PTPRN2: variants seen among roughly 807,000 people sequenced by gnomAD.
PTPRN2 encodes receptor-type tyrosine-protein phosphatase N2.
In PTPRN2, 74 loss-of-function variants were observed where a neutral mutation model predicts 118.8. That is an observed-to-expected ratio of 0.62 (90% CI 0.52 to 0.76). The LOEUF is 0.76. Among genes scored for constraint, PTPRN2 ranks in the 30% least tolerant of loss-of-function variants. The probability of loss-of-function intolerance (pLI) is 0.00; values close to 1 mark genes in which losing one functional copy is unlikely to be tolerated. For missense variants in PTPRN2, 1,481 were observed against 1,394.4 expected, an observed-to-expected ratio of 1.06 and a Z score of -0.99; for synonymous variants, 641 against 608.0, an observed-to-expected ratio of 1.05 and a Z score of -0.80.
intron 10 of PTPRN2, among the ~76,000 whole-genome samples, chr7:158,101,177 A>G (rs2150346849): frequency 6.6e-6 from 1 of 152,372 alleles, no homozygotes; most frequent in African/African-American, 2.4e-5. Flanking sequence ...AAATAGGCAC[A>G]CAGACCAATG....
chr7:158,028,850 G>A (rs1807471304), intron 11 of PTPRN2: 2 of 152,462 alleles, frequency 1.3e-5, no homozygotes, highest in Non-Finnish European at 2.9e-5. Context: ...CGTGGGGAGA[G>A]TCCAGCGTGC....
intron 12 of PTPRN2, among the ~76,000 whole-genome samples, chr7:157,696,343 CCATCTACTCAT>C (rs1797774899): frequency 1.0e-4 from 13 of 125,554 alleles, no homozygotes; most frequent in Admixed American, 3.1e-4. Flanking sequence ...AGAGCCCTCA[CCATCTACTCAT>C]GCATACTGGA....
intron 2 of PTPRN2, among the ~76,000 whole-genome samples, chr7:158,465,016 G>C (rs555966906): frequency 5.3e-5 from 8 of 152,228 alleles, no homozygotes; most frequent in Non-Finnish European, 1.2e-4. Flanking sequence ...GGATAACACA[G>C]CTAGTTACAG....
At chr7:158,332,044 C>A (rs574976532) in intron 2 of PTPRN2, among the ~76,000 whole-genome samples, 1,682 of 150,744 alleles carry the variant, frequency 0.011, 144 homozygotes, top group African/African-American at 0.04. Context: ...CACACTCTAA[C>A]GATAAGAGGT....
chr7:158,054,542 G>A (rs535379101), intron 11 of PTPRN2, among the ~76,000 whole-genome samples: 11 of 152,340 alleles, frequency 7.2e-5, no homozygotes, highest in South Asian at 4.1e-4. Flanking sequence ...TTCATGCAAC[G>A]AACACGTCAG....
chr7:157,890,141 C>T (rs1796717494), intron 12 of PTPRN2, among the ~76,000 whole-genome samples: 1 of 151,414 alleles, frequency 6.6e-6, no homozygotes, highest in South Asian at 2.1e-4. Context: ...TCTTAGGATA[C>T]ATTTCTCGGA....
At chr7:158,510,210 A>G (rs1244798161) in intron 1 of PTPRN2, among the ~76,000 whole-genome samples, 2 of 152,210 alleles carry the variant, frequency 1.3e-5, no homozygotes, top group Non-Finnish European at 2.9e-5. Context: ...TATTTAACAT[A>G]GTTTCAATGT....
chr7:157,584,263 G>C (rs1432665071), intron 17 of PTPRN2, among the ~76,000 whole-genome samples: 1 of 152,142 alleles, frequency 6.6e-6, no homozygotes, highest in African/African-American at 2.4e-5. Flanking sequence ...GTCCCTTCCT[G>C]CCTGTGTTAG....
At chr7:158,262,362 A>G (rs1342228613) in intron 3 of PTPRN2, among the ~76,000 whole-genome samples, 1 of 113,538 alleles carries the variant, frequency 8.8e-6, no homozygotes, top group East Asian at 2.5e-4. Flanking sequence ...CACTGCAAAC[A>G]TTCACTGCAC....
At chr7:158,530,252 C>T (rs1476248093) in intron 1 of PTPRN2, among the ~76,000 whole-genome samples, 1 of 152,304 alleles carries the variant, frequency 6.6e-6, no homozygotes, top group East Asian at 1.9e-4. Context: ...AAAGCAAGGT[C>T]TTTACAGTAA....
At chr7:158,222,868 A>AG (rs1200744213) in intron 3 of PTPRN2, among the ~76,000 whole-genome samples, 1 of 152,044 alleles carries the variant, frequency 6.6e-6, no homozygotes, top group East Asian at 1.9e-4. Flanking sequence ...TGAGAAAAAA[A>AG]TAGAGAAGAT....
At chr7:157,841,592 G>T (rs1808424058) in intron 12 of PTPRN2, among the ~76,000 whole-genome samples, 1 of 152,222 alleles carries the variant, frequency 6.6e-6, no homozygotes, top group Non-Finnish European at 1.5e-5. Context: ...ACCCGAGGCT[G>T]CTGGGGTGCC....
intron 12 of PTPRN2, among the ~76,000 whole-genome samples, chr7:157,837,517 G>A (rs2151174234): frequency 6.6e-6 from 1 of 151,152 alleles, no homozygotes; most frequent in East Asian, 2.0e-4. Context: ...GAGGAGCCAG[G>A]GCCATGTACC....
At chr7:158,331,210 C>A (rs1470326751) in intron 2 of PTPRN2, among the ~76,000 whole-genome samples, 45 of 148,170 alleles carry the variant, frequency 3.0e-4, no homozygotes, top group Non-Finnish European at 4.3e-4. Context: ...CACACCCACA[C>A]TCTCACCATA....
chr7:158,381,683 C>A (rs145575561), intron 2 of PTPRN2, among the ~76,000 whole-genome samples: 1 of 152,130 alleles, frequency 6.6e-6, no homozygotes, highest in Non-Finnish European at 1.5e-5. Context: ...CCCACTCTAC[C>A]GGTACCAATT....
chr7:158,054,374 C>T (rs1339039078), intron 11 of PTPRN2, among the ~76,000 whole-genome samples: 1 of 152,156 alleles, frequency 6.6e-6, no homozygotes. Context: ...GAAAGAAAGG[C>T]CACACCCTTT....
intron 12 of PTPRN2, among the ~76,000 whole-genome samples, chr7:157,726,668 C>T (rs1327022499): frequency 6.6e-6 from 1 of 152,218 alleles, no homozygotes; most frequent in Admixed American, 6.5e-5. Context: ...TTTGATGACA[C>T]TCAAAACGTT....
At chr7:157,781,726 T>A (rs940059922) in intron 12 of PTPRN2, among the ~76,000 whole-genome samples, 2 of 152,228 alleles carry the variant, frequency 1.3e-5, no homozygotes, top group African/African-American at 4.8e-5. Flanking sequence ...TATTTCTGCA[T>A]CTTTATCAAG....
intron 17 of PTPRN2, among the ~76,000 whole-genome samples, chr7:157,588,796 T>C (rs1800821160): frequency 6.6e-6 from 1 of 152,114 alleles, no homozygotes; most frequent in South Asian, 2.1e-4. Flanking sequence ...GAGGAGTGTG[T>C]ATGCTGAAGA....
Sources: gnomAD v4.1 joint callset for allele counts (sites outside exome capture counted in the v4.1 genomes callset) on GRCh38, gnomAD v4.1.1 for gene constraint, MANE v1.5 for transcripts, NCBI Gene and HGNC (gene_info 2026-07-23, HGNC 2026-07-21) for gene names.